ERN1: variants seen among roughly 807,000 people sequenced by gnomAD.
ERN1 encodes the protein endoplasmic reticulum to nucleus signaling 1.
A neutral mutation model predicts 113.1 loss-of-function variants in ERN1; 39 were observed. That is an observed-to-expected ratio of 0.34 (90% confidence interval 0.27 to 0.45). ERN1 has a LOEUF of 0.45. Ranked by LOEUF, ERN1 falls within the 20% of genes least tolerant of loss-of-function variation. ERN1 has a pLI of 1.00. For synonymous variants in ERN1, 507 were observed against 515.9 expected (o/e 0.98, Z 0.23); for missense variants, 976 against 1,274.8 (o/e 0.77, Z 3.57).
Position 64,064,509 on chromosome 17 carries a change from G to A in ERN1, c.922-358C>T, listed in dbSNP as rs115468064. On this transcript the variant is annotated intron_variant, in intron 9 of 21. Transcript: ENST00000433197. ...AACCAATGGGGCGGAATAAAGTCCA[G>A]CCACACGCCCAGTGCTGGCTCAGGT... Among the ~76,000 whole-genome samples the A allele has an allele frequency of 7.3e-3, 1,109 of 152,324 alleles. 15 individuals carry two copies. The highest frequency in any genetic ancestry group is 0.025 in the African/African-American group (1,035 of 41,572).
At position 64,098,101 on chromosome 17, in the gene ERN1, A is replaced by G. The variant is rs145169505; in HGVS notation, c.175+20T>C. ...AGTTAAGCAAATGTCCATGTCGCCC[A>G]AGGACCAAATCCAAATTACCTTCTT... On this transcript the variant is annotated intron_variant, in intron 2 of 21. Coordinates refer to ENST00000433197, the MANE Select transcript of ERN1 (RefSeq NM_001433.5). The G allele has an allele frequency of 8.4e-4, 1,359 of 1,613,662 alleles. 11 individuals are homozygous for G. In the African/African-American group the frequency reaches 0.016, roughly 19 times the overall value.
At chr17:64,071,671 C>T (rs1236963408) in intron 6 of ERN1, among the ~76,000 whole-genome samples, 1 of 152,162 alleles carries the variant, frequency 6.6e-6, no homozygotes, top group Non-Finnish European at 1.5e-5. Flanking sequence ...ATCCACCTGC[C>T]TCGGCCTCCC....
At chr17:64,109,172 G>GA (rs1377281823) in intron 1 of ERN1, among the ~76,000 whole-genome samples, 2 of 151,800 alleles carry the variant, frequency 1.3e-5, no homozygotes, top group African/African-American at 2.4e-5. Flanking sequence ...AACCCCAAGG[G>GA]AAAAAAATTT....
At chr17:64,083,750 T>C (rs531287811) in intron 2 of ERN1, among the ~76,000 whole-genome samples, 1 of 152,276 alleles carries the variant, frequency 6.6e-6, no homozygotes, top group African/African-American at 2.4e-5. Context: ...CCCCATCGTG[T>C]GTCCAGCTGA....
intron 4 of ERN1, 67 bp from the exon 5 acceptor site, chr17:64,075,314 A>C: frequency 5.8e-6 from 8 of 1,368,770 alleles, no homozygotes; most frequent in Non-Finnish European, 7.8e-6. Context: ...CAATTTTACC[A>C]GGCAGTTTGT....
In ERN1 at chr17:64,044,337, T is replaced by G; in HGVS notation, c.2722-137A>C. 1 of 631,136 alleles carries G rather than the reference T, an allele frequency of 1.6e-6. No homozygotes were observed. The highest frequency in any genetic ancestry group is 2.6e-6 in the Non-Finnish European group (1 of 390,284). The allele number at this position is 631,136 out of a possible 1,614,324, so 39.1% of individuals were successfully genotyped here. A position where few individuals can be genotyped will look rare whatever the true frequency, so the allele number is the denominator to read the frequency against. ...TTTGGTAAAGAAAAAGAAAAAAGGCTTATGTATCCAAGAATCCAGCCCCGT... is the reference window on the plus strand; with the variant it reads ...TTTGGTAAAGAAAAAGAAAAAAGGCGTATGTATCCAAGAATCCAGCCCCGT... On this transcript the variant is annotated intron_variant, in intron 21 of 21. Transcript: ENST00000433197. The surrounding 1 kb of genome is among the most constrained non-coding windows in gnomAD (Gnocchi z 4.1).
chr17:64,083,832 TA>T (rs1273993075), intron 2 of ERN1, among the ~76,000 whole-genome samples: 1 of 152,198 alleles, frequency 6.6e-6, no homozygotes, highest in Non-Finnish European at 1.5e-5. Context: ...TGCTCATTGC[TA>T]GGCTAATCTA....
Position 64,044,096 on chromosome 17 carries a change from T to C in ERN1, c.2826A>G (p.Ala942=), listed in dbSNP as rs766775807. The change falls in exon 22 of 22, where the codon GCA becomes GCG. Residue 942 remains alanine (A), a synonymous_variant. Transcript: ENST00000433197. This position sits in a 1 kb window ranked among gnomAD's most constrained non-coding sequence, Gnocchi z 4.1. ...YFTSRFPHLL[A]HTYRAMELCS... ...ACAGCTCCATGGCCCGGTAGGTGTG[T>C]GCGAGGAGGTGGGGGAAGCGAGATG... is the stretch of plus-strand genomic sequence containing the variant. 5 of 1,612,912 alleles carry C rather than the reference T, an allele frequency of 3.1e-6. No individual in the cohort carries two copies. In the South Asian group the frequency reaches 4.4e-5, roughly 14 times the overall value.
At chr17:64,088,222 T>C (rs1297421398) in intron 2 of ERN1, among the ~76,000 whole-genome samples, 1 of 152,188 alleles carries the variant, frequency 6.6e-6, no homozygotes, top group East Asian at 1.9e-4. Flanking sequence ...TGCTTTTCCG[T>C]TGGACTCTAG....
At chr17:64,047,287 G>A (rs771750108) in intron 19 of ERN1, among the ~76,000 whole-genome samples, 2 of 152,128 alleles carry the variant, frequency 1.3e-5, no homozygotes, top group Admixed American at 1.3e-4. Flanking sequence ...ACTTGAACCC[G>A]GGAGGCAGAG....
At chr17:64,092,208 T>A (rs563809456) in intron 2 of ERN1, among the ~76,000 whole-genome samples, 2 of 152,174 alleles carry the variant, frequency 1.3e-5, no homozygotes, top group East Asian at 3.9e-4. Context: ...GTTTGCAGGG[T>A]CCTTCCCAGT....
intron 2 of ERN1, among the ~76,000 whole-genome samples, chr17:64,084,865 G>A (rs143668730): frequency 1.0e-3 from 157 of 152,266 alleles, no homozygotes; most frequent in Non-Finnish European, 2.0e-3. Flanking sequence ...CATGCCTCAG[G>A]ACCTTTGCAC....
intron 1 of ERN1, among the ~76,000 whole-genome samples, chr17:64,118,772 C>T (rs892782996): frequency 3.3e-5 from 5 of 152,200 alleles, no homozygotes; most frequent in South Asian, 2.1e-4. Context: ...CTTGTCAGCT[C>T]GGCACCTGCT....
chr17:64,059,738 C>T (rs1912991739), intron 11 of ERN1, among the ~76,000 whole-genome samples: 2 of 152,298 alleles, frequency 1.3e-5, no homozygotes, highest in South Asian at 4.1e-4. Context: ...TCCCTCTCCT[C>T]TGGCTTTAGG....
chr17:64,125,766 G>A (rs899531877), intron 1 of ERN1, among the ~76,000 whole-genome samples: 1 of 152,176 alleles, frequency 6.6e-6, no homozygotes. Flanking sequence ...TGGGATTACA[G>A]GCGCAAACCA....
At chr17:64,111,634 G>C (rs924350813) in intron 1 of ERN1, among the ~76,000 whole-genome samples, 1 of 152,156 alleles carries the variant, frequency 6.6e-6, no homozygotes, top group Non-Finnish European at 1.5e-5. Flanking sequence ...TGGGATTACA[G>C]GCATGAGCCA....
At chr17:64,080,843 C>T (rs764263775) in intron 2 of ERN1, 35 bp from the exon 3 acceptor site, 1 of 1,600,564 alleles carries the variant, frequency 6.2e-7, no homozygotes, top group Non-Finnish European at 8.5e-7. Flanking sequence ...TCATCAGAAA[C>T]ATCCCAAAAT....
intron 13 of ERN1, among the ~76,000 whole-genome samples, 200 bp from the exon 14 acceptor site, chr17:64,055,028 C>T (rs934637690): frequency 1.3e-5 from 2 of 152,236 alleles, no homozygotes; most frequent in Non-Finnish European, 2.9e-5. Context: ...CCTGCCCCTG[C>T]ATTCTGTCTC....
chr17:64,106,726 A>T (rs1411274573), intron 1 of ERN1, among the ~76,000 whole-genome samples: 1 of 139,364 alleles, frequency 7.2e-6, no homozygotes, highest in African/African-American at 3.0e-5. Flanking sequence ...ACACACACAC[A>T]CACACACACA....
Sources: gnomAD v4.1 joint callset for allele counts (sites outside exome capture counted in the v4.1 genomes callset) on GRCh38, gnomAD v4.1.1 for gene constraint, Gnocchi (gnomAD v3.1) non-coding constraint, MANE v1.5 for transcripts, NCBI Gene and HGNC (gene_info 2026-07-23, HGNC 2026-07-21) for gene names.